Variants in UNC13C observed in about 807,000 individuals in gnomAD.
UNC13C encodes unc-13 homolog C, also known as protein unc-13 homolog C.
In UNC13C, 174 loss-of-function variants were observed where a neutral mutation model predicts 245.4. The ratio of observed to expected loss-of-function variants is 0.71; its 90% CI spans 0.63 to 0.80. The LOEUF (loss-of-function observed/expected upper bound fraction) is 0.80, where lower values mean the gene tolerates loss of function less well. Among genes scored for constraint, UNC13C ranks in the 30% least tolerant of loss-of-function variants. The pLI is 0.00. For missense variants in UNC13C, 2,829 were observed against 2,602.9 expected, an observed-to-expected ratio of 1.09 and a Z score of -1.89; for synonymous variants, 992 against 895.1, an observed-to-expected ratio of 1.11 and a Z score of -1.93.
intron 14 of UNC13C, among the ~76,000 whole-genome samples, chr15:54,326,554 G>C (rs541398134): frequency 3.2e-4 from 48 of 152,084 alleles, no homozygotes; most frequent in African/African-American, 1.1e-3. Context: ...AAAGATAATG[G>C]GGTGAAGGTA....
Position 54,113,489 on chromosome 15 carries a change from G to A in UNC13C, c.2984-29529G>A, listed in dbSNP as rs539055065. 4.6e-5 allele frequency among the ~76,000 whole-genome samples: 7 copies of A among 152,266 alleles called. No individual in the cohort carries two copies. In the East Asian group the frequency reaches 9.7e-4, roughly 21 times the overall value. The stretch of plus-strand genomic sequence containing the variant: ...GGAGTATTAGAAGCTGGTTAGGTCC[G>A]GGGAAGTCTTTCCGGGGGTAATCAC... On this transcript the variant is annotated intron_variant, in intron 2 of 32. Transcript: ENST00000260323.
At chr15:54,443,664 A>G (rs79989582) in intron 19 of UNC13C, among the ~76,000 whole-genome samples, 4,514 of 152,132 alleles carry the variant, frequency 0.03, 187 homozygotes, top group Admixed American at 0.12. Context: ...CATTGACCCA[A>G]TGATCATTCA....
intron 2 of UNC13C, among the ~76,000 whole-genome samples, chr15:54,019,548 A>T (rs952249572): frequency 6.6e-6 from 1 of 152,224 alleles, no homozygotes; most frequent in Non-Finnish European, 1.5e-5. Flanking sequence ...GCAGTCTGAT[A>T]CACTTTACCT....
intron 2 of UNC13C, among the ~76,000 whole-genome samples, chr15:54,102,664 C>T (rs1900224670): frequency 1.3e-5 from 2 of 152,306 alleles, no homozygotes; most frequent in East Asian, 1.9e-4. Context: ...TTTTAAAAAG[C>T]ATATTCTTTT....
At chr15:54,141,915 T>C (rs1394387048) in intron 2 of UNC13C, among the ~76,000 whole-genome samples, 1 of 152,116 alleles carries the variant, frequency 6.6e-6, no homozygotes, top group Non-Finnish European at 1.5e-5. Context: ...GCATTTCAGA[T>C]TTTCATCTGT....
the UNC13C span, among the ~76,000 whole-genome samples, chr15:53,919,489 G>T: frequency 6.6e-6 from 1 of 152,120 alleles, no homozygotes; most frequent in Admixed American, 6.5e-5. Flanking sequence ...CAAATTCTTG[G>T]AGCTGCTCAG....
intron 25 of UNC13C, among the ~76,000 whole-genome samples, chr15:54,531,469 T>G (rs1414681754): frequency 1.3e-5 from 2 of 152,160 alleles, no homozygotes; most frequent in Admixed American, 6.5e-5. Context: ...TGTCTGAAAT[T>G]CAAATTTAAC....
chr15:54,215,842 C>T (rs2035023194), intron 4 of UNC13C, among the ~76,000 whole-genome samples: 1 of 151,978 alleles, frequency 6.6e-6, no homozygotes, highest in Non-Finnish European at 1.5e-5. Flanking sequence ...TCATGAAAAG[C>T]ACTGCCAGAC....
chr15:54,141,280 T>C (rs985455983), intron 2 of UNC13C, among the ~76,000 whole-genome samples: 9 of 152,192 alleles, frequency 5.9e-5, no homozygotes, highest in African/African-American at 2.2e-4. Context: ...AGATATAAAA[T>C]TATAATTCTT....
At chr15:54,359,726 A>C (rs1384483127) in intron 17 of UNC13C, among the ~76,000 whole-genome samples, 1 of 151,806 alleles carries the variant, frequency 6.6e-6, no homozygotes. Flanking sequence ...AATTATGCTT[A>C]TTTGAGTCTT....
intron 19 of UNC13C, among the ~76,000 whole-genome samples, chr15:54,477,694 T>C (rs1596452079): frequency 7.1e-6 from 1 of 140,804 alleles, no homozygotes; most frequent in Admixed American, 7.1e-5. Context: ...TTTGATGTGC[T>C]ACTGGATTCG....
At chr15:54,044,015 A>G (rs562348637) in intron 2 of UNC13C, among the ~76,000 whole-genome samples, 1 of 152,332 alleles carries the variant, frequency 6.6e-6, no homozygotes, top group South Asian at 2.1e-4. Flanking sequence ...CCATCACCAT[A>G]ATCTAATTTT....
intron 18 of UNC13C, among the ~76,000 whole-genome samples, chr15:54,400,644 T>TATTTCTTCATTGAAA (rs2040162107): frequency 6.6e-6 from 1 of 152,198 alleles, no homozygotes; most frequent in Non-Finnish European, 1.5e-5. Context: ...CTGACAGTCT[T>TATTTCTTCATTGAAA]ATTTCTTCAT....
At chr15:53,845,020 A>G in the UNC13C span, among the ~76,000 whole-genome samples, 1 of 152,186 alleles carries the variant, frequency 6.6e-6, no homozygotes, top group African/African-American at 2.4e-5. Flanking sequence ...AAAGCTCTCT[A>G]AACTGATTAT....
chr15:53,988,291 C>T (rs1027482381), intron 1 of UNC13C, among the ~76,000 whole-genome samples: 6 of 151,776 alleles, frequency 4.0e-5, no homozygotes, highest in African/African-American at 7.3e-5. Context: ...ATTATTAATA[C>T]AAAAAATAGT....
chr15:54,490,048 T>C (rs1893624932), intron 19 of UNC13C, among the ~76,000 whole-genome samples: 1 of 152,128 alleles, frequency 6.6e-6, no homozygotes. Context: ...ACAATAAATA[T>C]CAGCTGATAG....
chr15:54,119,600 A>G (rs1166824900), intron 2 of UNC13C, among the ~76,000 whole-genome samples: 1 of 152,142 alleles, frequency 6.6e-6, no homozygotes, highest in African/African-American at 2.4e-5. Context: ...AGTGAGCTGA[A>G]GAGTCACACA....
chr15:54,135,264 T>G (rs1200522425), intron 2 of UNC13C, among the ~76,000 whole-genome samples: 1 of 152,262 alleles, frequency 6.6e-6, no homozygotes, highest in African/African-American at 2.4e-5. Flanking sequence ...CCTTTTCATT[T>G]TGCCGATTGT....
At chr15:53,971,103 T>C in the UNC13C span, among the ~76,000 whole-genome samples, 1 of 152,184 alleles carries the variant, frequency 6.6e-6, no homozygotes, top group Admixed American at 6.5e-5. Context: ...TCTCTAATGA[T>C]TAGTGATGTT....
Sources: allele counts gnomAD v4.1 joint callset (sites outside exome capture counted in the v4.1 genomes callset), GRCh38; gene constraint gnomAD v4.1.1; transcripts MANE v1.5; gene names NCBI Gene and HGNC (gene_info 2026-07-23, HGNC 2026-07-21).